Variants in ZRANB3 observed in about 807,000 individuals in gnomAD.
ZRANB3 encodes DNA annealing helicase and endonuclease ZRANB3.
ZRANB3 carries 125 observed loss-of-function variants against 133.8 expected under a neutral mutation model. The ratio of observed to expected loss-of-function variants is 0.93; its 90% CI spans 0.81 to 1.08. ZRANB3 has a LOEUF of 1.08. ZRANB3 is among the 50% of genes least tolerant of loss of function. The pLI, the probability that ZRANB3 is intolerant of heterozygous loss-of-function variation, is 0.00. For synonymous variants in ZRANB3, 387 were observed against 432.7 expected (o/e 0.89, Z 1.31); for missense variants, 1,229 against 1,275.5 (o/e 0.96, Z 0.56).
intron 3 of ZRANB3, among the ~76,000 whole-genome samples, chr2:135,383,732 G>A (rs1686831543): frequency 6.6e-6 from 1 of 152,140 alleles, no homozygotes; most frequent in Non-Finnish European, 1.5e-5. Context: ...TGAACAACCT[G>A]CTCCTGAATT....
chr2:135,296,519 G>A (rs1400644865), intron 8 of ZRANB3, among the ~76,000 whole-genome samples: 3 of 151,924 alleles, frequency 2.0e-5, no homozygotes, highest in Non-Finnish European at 4.4e-5. Context: ...TTTGCCATTG[G>A]CTCGAACTTC....
chr2:135,417,795 G>A (rs963891927), intron 2 of ZRANB3, among the ~76,000 whole-genome samples: 3 of 152,192 alleles, frequency 2.0e-5, no homozygotes, highest in South Asian at 2.1e-4. Flanking sequence ...AAAGTGATGA[G>A]TTCATGTCCT....
intron 8 of ZRANB3, among the ~76,000 whole-genome samples, chr2:135,309,414 A>G (rs1682864840): frequency 6.6e-6 from 1 of 152,190 alleles, no homozygotes; most frequent in Admixed American, 6.6e-5. Flanking sequence ...GGCAAAACAA[A>G]TAAATAAAAG....
chr2:135,318,053 C>G (rs901609840), intron 6 of ZRANB3, among the ~76,000 whole-genome samples: 1 of 151,902 alleles, frequency 6.6e-6, no homozygotes, highest in Non-Finnish European at 1.5e-5. Flanking sequence ...AAGAATTTGC[C>G]CAACATCTCA....
intron 3 of ZRANB3, among the ~76,000 whole-genome samples, chr2:135,356,865 C>T (rs1473706491): frequency 6.6e-6 from 1 of 151,888 alleles, no homozygotes; most frequent in African/African-American, 2.4e-5. Flanking sequence ...CCACCATGCC[C>T]AGCTATTTTT....
chr2:135,292,362 T>A (rs1411519582), intron 8 of ZRANB3, among the ~76,000 whole-genome samples: 1 of 152,228 alleles, frequency 6.6e-6, no homozygotes, highest in Non-Finnish European at 1.5e-5. Context: ...ATGAGCATTT[T>A]TTCATGTGTC....
chr2:135,422,209 GAT>G (rs1300189313), intron 2 of ZRANB3, among the ~76,000 whole-genome samples: 1 of 151,834 alleles, frequency 6.6e-6, no homozygotes, highest in Non-Finnish European at 1.5e-5. Context: ...CCCCTTATAA[GAT>G]AAATTCCTGA....
At position 135,383,809 on chromosome 2, in the gene ZRANB3, C is replaced by CCAG. The variant is rs1170138171; in HGVS notation, c.180+6992_180+6993insCTG. Among the ~76,000 whole-genome samples, 5 of 152,024 alleles carry CCAG rather than the reference C, an allele frequency of 3.3e-5. No individual in the cohort carries two copies. The East Asian group carries it at 9.6e-4, about 29-fold the overall frequency. ...TTTGAAACCAACGAGAACAAAGACA[C>CCAG]AACATACCAGAATCTTTGGGACACA... On this transcript the variant is annotated intron_variant, in intron 3 of 20. Coordinates refer to ENST00000264159, the MANE Select transcript of ZRANB3 (RefSeq NM_032143.4).
chr2:135,472,061 A>T (rs1366184908), intron 2 of ZRANB3, among the ~76,000 whole-genome samples: 15 of 152,242 alleles, frequency 9.9e-5, no homozygotes, highest in Non-Finnish European at 2.1e-4. Context: ...GAGACTTGAG[A>T]GGCTCATGGC....
chr2:135,435,180 T>C (rs548780785), intron 2 of ZRANB3, among the ~76,000 whole-genome samples: 9 of 152,244 alleles, frequency 5.9e-5, no homozygotes, highest in Non-Finnish European at 1.0e-4. Context: ...GTCGATTGTT[T>C]CCCCTTCTTT....
intron 4 of ZRANB3, among the ~76,000 whole-genome samples, chr2:135,352,773 T>C (rs1413559596): frequency 2.6e-5 from 4 of 152,210 alleles, no homozygotes; most frequent in Admixed American, 2.0e-4. Context: ...CTGCTTTTTA[T>C]TTAAGGTTCA....
intron 2 of ZRANB3, among the ~76,000 whole-genome samples, chr2:135,476,296 T>C (rs190725557): frequency 7.9e-4 from 120 of 152,292 alleles, no homozygotes; most frequent in African/African-American, 2.6e-3. Context: ...ATAAATAACA[T>C]TGTATGTATG....
intron 6 of ZRANB3, among the ~76,000 whole-genome samples, chr2:135,342,128 C>G (rs1684702097): frequency 6.7e-6 from 1 of 149,912 alleles, no homozygotes; most frequent in South Asian, 2.1e-4. Flanking sequence ...ATCACAGAAC[C>G]TGCCAACATG....
At chr2:135,506,741 G>A (rs907547792) in intron 1 of ZRANB3, among the ~76,000 whole-genome samples, 2 of 152,132 alleles carry the variant, frequency 1.3e-5, no homozygotes, top group Non-Finnish European at 2.9e-5. Context: ...TTAAACAGGG[G>A]AATGACACAA....
chr2:135,280,911 T>C (rs1264889072), intron 8 of ZRANB3, among the ~76,000 whole-genome samples: 1 of 152,202 alleles, frequency 6.6e-6, no homozygotes, highest in African/African-American at 2.4e-5. Context: ...TAGCCCAGTC[T>C]TATAGGAACC....
intron 3 of ZRANB3, among the ~76,000 whole-genome samples, chr2:135,354,869 T>A (rs963107765): frequency 1.3e-5 from 2 of 152,122 alleles, no homozygotes; most frequent in Admixed American, 6.5e-5. Context: ...TTTTTAGAAC[T>A]CAGAATTGTA....
intron 2 of ZRANB3, among the ~76,000 whole-genome samples, chr2:135,498,481 G>A (rs1692782762): frequency 6.6e-6 from 1 of 152,266 alleles, no homozygotes; most frequent in East Asian, 1.9e-4. Context: ...CGTAAGCTGA[G>A]GATGAATGTC....
At chr2:135,323,251 C>T (rs1027186211) in intron 6 of ZRANB3, among the ~76,000 whole-genome samples, 11 of 152,200 alleles carry the variant, frequency 7.2e-5, no homozygotes, top group African/African-American at 2.6e-4. Context: ...GGAAAATTTA[C>T]AACACTCTGT....
At chr2:135,367,355 G>C (rs1685985810) in intron 3 of ZRANB3, among the ~76,000 whole-genome samples, 1 of 152,152 alleles carries the variant, frequency 6.6e-6, no homozygotes, top group Non-Finnish European at 1.5e-5. Flanking sequence ...TGGAGGCGGG[G>C]ACTGCTCCTT....
Sources: allele counts gnomAD v4.1 joint callset (sites outside exome capture counted in the v4.1 genomes callset), GRCh38; gene constraint gnomAD v4.1.1; transcripts MANE v1.5; gene names NCBI Gene and HGNC (gene_info 2026-07-23, HGNC 2026-07-21).